Variants in YLPM1 observed in about 807,000 individuals in gnomAD.
The protein encoded by YLPM1 is YLP motif-containing protein 1.
A neutral mutation model predicts 230.0 loss-of-function variants in YLPM1; 99 were observed. The ratio of observed to expected loss-of-function variants is 0.43; its 90% CI spans 0.37 to 0.51. The LOEUF (loss-of-function observed/expected upper bound fraction) is 0.51, where lower values mean the gene tolerates loss of function less well. Among genes scored for constraint, YLPM1 ranks in the 20% least tolerant of loss-of-function variants. The probability of loss-of-function intolerance (pLI) is 0.00; values close to 1 mark genes in which losing one functional copy is unlikely to be tolerated. For missense variants in YLPM1, 2,592 were observed against 2,707.7 expected (o/e 0.96, Z 0.95); for synonymous variants, 984 against 942.5 (o/e 1.04, Z -0.81).
chr14:74,763,823 G>A lies in YLPM1; in HGVS notation c.334G>A (p.Gly112Arg). ...ACCGCCACCGATGCCCCCGCCACCC[G>A]GGCCGGCCCTCAGCTATCAGAAGCA... ...PPPPPMPPPP[G>R]PALSYQKQQQ... Residue 112 changes from glycine to arginine, a missense_variant, in exon 1 of 21, where the codon GGG becomes AGG. This residue lies in a region of YLPM1 where 1,862 missense variants were observed against 1,819.8 expected (regional missense o/e 1.02). Transcript: ENST00000325680. 1 of 1,494,414 alleles carries A rather than the reference G, an allele frequency of 6.7e-7. No individual in the cohort carries two copies. Among genetic ancestry groups the A allele is most frequent in the African/African-American group, 1.4e-5 (1 of 69,966 alleles). The allele number at this position is 1,494,414 out of a possible 1,614,324, so 92.6% of individuals were successfully genotyped here. A position where few individuals can be genotyped will look rare whatever the true frequency, so the allele number is the denominator to read the frequency against.
chr14:74,821,161 G>A (rs1349388419), intron 17 of YLPM1, 24 bp downstream of exon 17: 4 of 1,527,910 alleles, frequency 2.6e-6, no homozygotes, highest in East Asian at 2.5e-5. Context: ...CAACCACTTT[G>A]AACAGTGTCT....
At position 74,797,994 on chromosome 14, in the gene YLPM1, T is replaced by TA. The variant is rs1321396157; in HGVS notation, c.2697_2698insA (p.Glu900ArgfsTer12). 6.2e-7 allele frequency: 1 copy of TA among 1,613,786 alleles called. No individual in the cohort carries two copies. Among genetic ancestry groups the TA allele is most frequent in the Non-Finnish European group, 8.5e-7 (1 of 1,179,790 alleles). ...AGGATGTCAAGGCGGCTCAGTCAAA[T>TA]GAGAATCTAAGCGACTCTCAACAAG... On this transcript the variant is annotated frameshift_variant, in exon 5 of 21. Transcript: ENST00000325680. LOFTEE classifies it high-confidence loss of function.
chr14:74,778,540 G>A lies in YLPM1; in HGVS notation c.967G>A (p.Ala323Thr). The change falls in exon 2 of 21, where the codon GCA becomes ACA. Residue 323 changes from alanine (A) to threonine (T), a missense_variant. Coordinates refer to ENST00000325680, the MANE Select transcript of YLPM1 (RefSeq NM_019589.3). ...LPGHKKGPVV[A>T]KDTPEPVKEE... ...AGGACACAAAAAGGGTCCTGTGGTA[G>A]CAAAGGATACACCAGAGCCGGTAAA... 1 of 1,607,576 alleles carries A rather than the reference G, an allele frequency of 6.2e-7. No individual in the cohort carries two copies. Among genetic ancestry groups the A allele is most frequent in the Non-Finnish European group, 8.5e-7 (1 of 1,177,040 alleles).
At chr14:74,801,712 A>G (rs376150261) in intron 5 of YLPM1, among the ~76,000 whole-genome samples, 3 of 152,194 alleles carry the variant, frequency 2.0e-5, no homozygotes, top group Non-Finnish European at 2.9e-5. Flanking sequence ...GGCAGCCTCT[A>G]CTGCACTCAG....
chr14:74,769,224 GC>G, intron 1 of YLPM1, among the ~76,000 whole-genome samples: 1 of 139,104 alleles, frequency 7.2e-6, no homozygotes, highest in South Asian at 2.3e-4. Flanking sequence ...ACAGGTGCCT[GC>G]CACCACGCCC....
At position 74,817,265 on chromosome 14, in the gene YLPM1, A is replaced by G; in HGVS notation, c.5934A>G (p.Lys1978=). The G allele has an allele frequency of 6.3e-7, 1 of 1,582,880 alleles. No homozygotes were observed. Among genetic ancestry groups the G allele is most frequent in the Non-Finnish European group, 8.6e-7 (1 of 1,163,432 alleles). Residue 1978 remains lysine, a synonymous_variant, in exon 15 of 21, where the codon AAA becomes AAG. Transcript: ENST00000325680. ...GKRNIHGRKL[K]EINKMADHWE... is the part of the protein sequence containing the mutation. Reference sequence around the variant, plus strand: ...GAAATATTCATGGAAGAAAGCTTAAAGAAATAAATAAGGTGATTTTAAGAA... The same window carrying G: ...GAAATATTCATGGAAGAAAGCTTAAGGAAATAAATAAGGTGATTTTAAGAA...
intron 9 of YLPM1, 94 bp from the exon 10 acceptor site, chr14:74,811,526 T>G: frequency 1.2e-6 from 1 of 824,764 alleles, no homozygotes; most frequent in Non-Finnish European, 1.9e-6. Flanking sequence ...TACCTTCCTA[T>G]AGAGAAAATT....
intron 18 of YLPM1, among the ~76,000 whole-genome samples, chr14:74,825,259 A>G (rs555922112): frequency 2.0e-5 from 3 of 152,232 alleles, no homozygotes; most frequent in South Asian, 2.1e-4. Flanking sequence ...TTTACATGCA[A>G]TTACATAAGT....
intron 2 of YLPM1, among the ~76,000 whole-genome samples, chr14:74,779,557 G>T (rs539610719): frequency 6.6e-6 from 1 of 151,882 alleles, no homozygotes. Flanking sequence ...AACCATGATG[G>T]TTATATTGTA....
At chr14:74,764,398 T>C in intron 1 of YLPM1, 36 bp downstream of exon 1, 1 of 1,545,630 alleles carries the variant, frequency 6.5e-7, no homozygotes, top group African/African-American at 1.4e-5. Context: ...ATCTTTCACC[T>C]AGAGGGCCCT....
At chr14:74,780,905 A>T (rs1007696789) in intron 3 of YLPM1, among the ~76,000 whole-genome samples, 19 of 152,238 alleles carry the variant, frequency 1.2e-4, no homozygotes, top group Non-Finnish European at 2.2e-4. Flanking sequence ...ACAGATAAGC[A>T]AAGAGGCCAA....
intron 2 of YLPM1, among the ~76,000 whole-genome samples, chr14:74,779,809 T>C (rs1435967590): frequency 7.5e-6 from 1 of 133,234 alleles, no homozygotes; most frequent in Non-Finnish European, 1.6e-5. Flanking sequence ...CCTCCCCTCC[T>C]TTTTTTTTTT....
intron 4 of YLPM1, among the ~76,000 whole-genome samples, chr14:74,796,397 C>G (rs1027789461): frequency 6.6e-6 from 1 of 152,194 alleles, no homozygotes; most frequent in African/African-American, 2.4e-5. Context: ...GGTGCCCTTG[C>G]CACATACTTT....
chr14:74,769,703 G>A (rs1024502206), intron 1 of YLPM1, among the ~76,000 whole-genome samples: 2 of 151,584 alleles, frequency 1.3e-5, no homozygotes, highest in Non-Finnish European at 1.5e-5. Flanking sequence ...GATTACAGGC[G>A]TAAGCTGCCA....
chr14:74,805,024 T>C (rs953417144), intron 6 of YLPM1, among the ~76,000 whole-genome samples: 7 of 122,714 alleles, frequency 5.7e-5, no homozygotes, highest in African/African-American at 1.8e-4. Context: ...TCTTTTTTCC[T>C]TTTTTTTTTT....
intron 4 of YLPM1, among the ~76,000 whole-genome samples, chr14:74,782,576 G>A (rs1594815487): frequency 6.6e-6 from 1 of 152,142 alleles, no homozygotes; most frequent in East Asian, 1.9e-4. Flanking sequence ...GTAGAGTAAT[G>A]CTAATCATTT....
intron 1 of YLPM1, among the ~76,000 whole-genome samples, chr14:74,765,868 G>C (rs1455093221): frequency 6.6e-6 from 1 of 152,138 alleles, no homozygotes; most frequent in Non-Finnish European, 1.5e-5. Flanking sequence ...GCAATTCTTT[G>C]GTGAGAGGCA....
chr14:74,782,038 A>G lies in YLPM1; in HGVS notation c.1995A>G (p.Lys665=). ...CACAGAGCTCGCAAGTTCCAGAGAA[A>G]CCTAGACCAGCACTGCTTCCTACTC... is the stretch of plus-strand genomic sequence containing the variant. ...SSSQSSQVPE[K]PRPALLPTPV... Residue 665 remains lysine, a synonymous_variant, in exon 4 of 21, where the codon AAA becomes AAG. Transcript: ENST00000325680. 1 of 1,613,928 alleles carries G rather than the reference A, an allele frequency of 6.2e-7. No individual in the cohort carries two copies. Among genetic ancestry groups the G allele is most frequent in the Non-Finnish European group, 8.5e-7 (1 of 1,179,864 alleles).
chr14:74,803,631 G>A (rs2091349636), intron 6 of YLPM1, among the ~76,000 whole-genome samples: 1 of 152,238 alleles, frequency 6.6e-6, no homozygotes, highest in South Asian at 2.1e-4. Flanking sequence ...GTCAAATGCA[G>A]CATATTCAAA....
Sources: gnomAD v4.1 joint callset for allele counts (sites outside exome capture counted in the v4.1 genomes callset) on GRCh38, gnomAD v4.1.1 for gene constraint, gnomAD v4.1.1 regional missense constraint, MANE v1.5 for transcripts, NCBI Gene and HGNC (gene_info 2026-07-23, HGNC 2026-07-21) for gene names.